The following NVL variants were observed in gnomAD, a reference collection of about 807,000 sequenced individuals.
The protein encoded by NVL is nuclear VCP like.
A neutral mutation model predicts 110.2 loss-of-function variants in NVL; 84 were observed. The ratio of observed to expected loss-of-function variants is 0.76; its 90% CI spans 0.64 to 0.91. The LOEUF (loss-of-function observed/expected upper bound fraction) is 0.91, where lower values mean the gene tolerates loss of function less well. NVL is among the 40% of genes least tolerant of loss of function. The pLI is 0.00. For synonymous variants in NVL, 354 were observed against 361.1 expected, an observed-to-expected ratio of 0.98 and a Z score of 0.22; for missense variants, 882 against 1,035.9, an observed-to-expected ratio of 0.85 and a Z score of 2.04.
intron 9 of NVL, chr1:224,303,054 TA>T: frequency 5.5e-6 from 1 of 183,182 alleles, no homozygotes; most frequent in South Asian, 6.9e-5. Flanking sequence ...CTCAAAAAAA[TA>T]AGTAAACTGA....
chr1:224,301,205 T>A (rs1668374777), intron 9 of NVL, among the ~76,000 whole-genome samples: 1 of 152,166 alleles, frequency 6.6e-6, no homozygotes, highest in African/African-American at 2.4e-5. Context: ...TCTATTATCT[T>A]TTCTGAATAA....
At chr1:224,256,105 G>A (rs1452255543) in intron 18 of NVL, among the ~76,000 whole-genome samples, 1 of 151,952 alleles carries the variant, frequency 6.6e-6, no homozygotes, top group Admixed American at 6.6e-5. Context: ...CAATTACCAT[G>A]CCGTTGAAAC....
intron 15 of NVL, 99 bp from the exon 16 acceptor site, chr1:224,281,284 C>CGTGTGTGTGTGTGT (rs34156240): frequency 1.1e-5 from 6 of 553,138 alleles, no homozygotes; most frequent in Non-Finnish European, 1.9e-5. Flanking sequence ...ACTCTGTGTG[C>CGTGTGTGTGTGTGT]GTGTGTGTGT....
intron 14 of NVL, 129 bp from the exon 15 acceptor site, chr1:224,286,259 G>T (rs1666856257): frequency 3.0e-6 from 2 of 668,002 alleles, no homozygotes; most frequent in Non-Finnish European, 5.0e-6. Flanking sequence ...CAGCTAGAGT[G>T]CAGTGGTGCT....
At position 224,267,998 on chromosome 1, in the gene NVL, TA is replaced by T. The variant is rs543069627; in HGVS notation, c.2182+35del. 1.4e-4 allele frequency: 197 copies of T among 1,404,020 alleles called. 3 individuals carry two copies. The Admixed American group carries it at 2.7e-3, about 19-fold the overall frequency. The allele number at this position is 1,404,020 out of a possible 1,614,324, so 87.0% of individuals were successfully genotyped here. ...CTTCTACGGAAATGCTGTAAGTTTT[TA>T]GATTCATCTGTGTTACAATATTTTT... On this transcript the variant is annotated intron_variant, in intron 18 of 22. Coordinates refer to ENST00000281701, the MANE Select transcript of NVL (RefSeq NM_002533.4).
At chr1:224,258,263 A>C (rs1382399770) in intron 18 of NVL, among the ~76,000 whole-genome samples, 1 of 152,196 alleles carries the variant, frequency 6.6e-6, no homozygotes, top group Non-Finnish European at 1.5e-5. Context: ...CATACAAATG[A>C]CCAACAAGCA....
intron 14 of NVL, among the ~76,000 whole-genome samples, chr1:224,286,416 G>A (rs1666876876): frequency 6.6e-6 from 1 of 152,102 alleles, no homozygotes; most frequent in African/African-American, 2.4e-5. Flanking sequence ...ATGTTGGCCA[G>A]GCTGGTCTTG....
chr1:224,309,068 A>C lies in NVL; in HGVS notation c.343-805T>G, dbSNP rs1335466948. 4.0e-3 allele frequency among the ~76,000 whole-genome samples: 582 copies of C among 147,140 alleles called. 3 individuals carry two copies. The highest frequency in any genetic ancestry group is 0.013 in the African/African-American group (547 of 40,572). On this transcript the variant is annotated intron_variant, in intron 5 of 22. Coordinates refer to ENST00000281701, the MANE Select transcript of NVL (RefSeq NM_002533.4). ...AGAGCGGGACTCTGTCTCAACAAAAAAAAAAAAAAAAAAAGACTTCACTCC... is the reference window on the plus strand; with the variant it reads ...AGAGCGGGACTCTGTCTCAACAAAACAAAAAAAAAAAAAAGACTTCACTCC...
chr1:224,251,017 T>C (rs537214510), intron 18 of NVL, among the ~76,000 whole-genome samples: 3 of 151,516 alleles, frequency 2.0e-5, no homozygotes, highest in South Asian at 4.2e-4. Context: ...CTCACACCTG[T>C]AATCCCAGCA....
At chr1:224,310,482 T>C (rs1246842450) in intron 5 of NVL, among the ~76,000 whole-genome samples, 2 of 152,156 alleles carry the variant, frequency 1.3e-5, no homozygotes, top group Admixed American at 1.3e-4. Context: ...CCTTTTTCCA[T>C]TTTTACTATT....
At chr1:224,228,954 C>T (rs1659539401) in intron 22 of NVL, among the ~76,000 whole-genome samples, 1 of 133,386 alleles carries the variant, frequency 7.5e-6, no homozygotes, top group Non-Finnish European at 1.6e-5. Context: ...AAAGAAATTG[C>T]CAGAATGTTT....
chr1:224,286,057 G>A lies in NVL; in HGVS notation c.1868C>T (p.Pro623Leu), dbSNP rs1307354834. The change falls in exon 15 of 23, where the codon CCT (proline) becomes CTT (leucine). Residue 623 changes from proline to leucine, a missense_variant. Transcript: ENST00000281701. ...CAGCAGAGTCTTCCCACAGCCAGGA[G>A]GACCAGCAAGGAGGACCCCAGCTGG... is the stretch of plus-strand genomic sequence containing the variant. ...VTPAGVLLAG[P>L]PGCGKTLLAK... 4 of 1,613,988 alleles carry A rather than the reference G, an allele frequency of 2.5e-6. No homozygotes were observed. The highest frequency in any genetic ancestry group is 2.2e-5 in the South Asian group (2 of 91,076).
At chr1:224,258,872 G>A (rs1295901830) in intron 18 of NVL, among the ~76,000 whole-genome samples, 1 of 151,238 alleles carries the variant, frequency 6.6e-6, no homozygotes, top group African/African-American at 2.4e-5. Context: ...ATGGCCAGTA[G>A]CGACACATGC....
At chr1:224,243,702 C>G (rs1425537168) in intron 19 of NVL, among the ~76,000 whole-genome samples, 1 of 145,392 alleles carries the variant, frequency 6.9e-6, no homozygotes, top group East Asian at 2.0e-4. Context: ...CGATCTGTCA[C>G]TCAGGCTGGA....
At position 224,280,896 on chromosome 1, in the gene NVL, T is replaced by C. The variant is rs370688679; in HGVS notation, c.1962+227A>G. ...ATTGAAATCTTTGCTCTACTGCTTC[T>C]AGCTGTGGGAAAATTCAGGCTCAGA... On this transcript the variant is annotated intron_variant, in intron 16 of 22. Transcript: ENST00000281701. 1.2e-3 allele frequency among the ~76,000 whole-genome samples: 187 copies of C among 152,306 alleles called. 2 individuals are homozygous for C. In the South Asian group the frequency reaches 0.036, roughly 29 times the overall value.
intron 12 of NVL, among the ~76,000 whole-genome samples, chr1:224,291,712 T>C (rs1023666752): frequency 6.6e-6 from 1 of 152,228 alleles, no homozygotes; most frequent in African/African-American, 2.4e-5. Flanking sequence ...AAACCCATCT[T>C]AAGTCAAAAA....
chr1:224,320,314 A>C (rs1670515473), intron 2 of NVL, among the ~76,000 whole-genome samples: 1 of 152,310 alleles, frequency 6.6e-6, no homozygotes, highest in South Asian at 2.1e-4. Flanking sequence ...TAGGTAGAGT[A>C]TATGGGTGTT....
chr1:224,240,024 T>C (rs560397307), intron 19 of NVL, among the ~76,000 whole-genome samples: 2 of 148,864 alleles, frequency 1.3e-5, no homozygotes, highest in Admixed American at 1.4e-4. Context: ...CAGCCCCGAG[T>C]AGCTGGGATT....
At chr1:224,250,409 G>A in intron 18 of NVL, 91 bp from the exon 19 acceptor site, 4 of 1,201,054 alleles carry the variant, frequency 3.3e-6, no homozygotes, top group Non-Finnish European at 4.5e-6. Context: ...CCATCTCCCA[G>A]GCTGGAGTGC....
Sources: gnomAD v4.1 joint callset for allele counts (sites outside exome capture counted in the v4.1 genomes callset) on GRCh38, gnomAD v4.1.1 for gene constraint, MANE v1.5 for transcripts, NCBI Gene and HGNC (gene_info 2026-07-23, HGNC 2026-07-21) for gene names.